Variants in ANKRD55 observed in about 807,000 individuals in gnomAD.
ANKRD55 encodes ankyrin repeat domain-containing protein 55.
A neutral mutation model predicts 60.6 loss-of-function variants in ANKRD55; 41 were observed. That is an observed-to-expected ratio of 0.68 (90% confidence interval 0.53 to 0.88). The LOEUF is 0.88. ANKRD55 is among the 40% of genes least tolerant of loss of function. The pLI is 0.00. For missense variants in ANKRD55, 732 were observed against 767.6 expected, an observed-to-expected ratio of 0.95 and a Z score of 0.55; for synonymous variants, 264 against 290.3, an observed-to-expected ratio of 0.91 and a Z score of 0.92.
At chr5:56,210,718 GT>G (rs1759652157) in intron 2 of ANKRD55, among the ~76,000 whole-genome samples, 1 of 152,024 alleles carries the variant, frequency 6.6e-6, no homozygotes, top group Non-Finnish European at 1.5e-5. Flanking sequence ...CATTTATATA[GT>G]CAAAATCTAT....
At chr5:56,141,130 G>GTTTTTTT (rs33972955) in intron 7 of ANKRD55, among the ~76,000 whole-genome samples, 163 of 111,624 alleles carry the variant, frequency 1.5e-3, no homozygotes, top group Non-Finnish European at 2.1e-3. Flanking sequence ...TGCACACACA[G>GTTTTTTT]TTTTTTTTTT....
intron 7 of ANKRD55, among the ~76,000 whole-genome samples, chr5:56,135,389 T>C (rs1321161767): frequency 6.6e-6 from 1 of 150,456 alleles, no homozygotes; most frequent in African/African-American, 2.5e-5. Flanking sequence ...CTTTCTTTCT[T>C]GACAGGGTCT....
intron 6 of ANKRD55, among the ~76,000 whole-genome samples, chr5:56,147,016 C>A (rs933931836): frequency 6.6e-6 from 1 of 151,862 alleles, no homozygotes; most frequent in African/African-American, 2.4e-5. Context: ...TCTCTTTAAA[C>A]AACCGCAAGA....
At position 56,204,097 on chromosome 5, in the gene ANKRD55, T is replaced by C. The variant is rs1759444863; in HGVS notation, c.59-20463A>G. ...TGATGGCCAGTGATGATGAGCATTT[T>C]TTCATGTTTTTTGACTGCATAAATG... On this transcript the variant is annotated intron_variant, in intron 2 of 11. Transcript: ENST00000341048. Among the ~76,000 whole-genome samples the C allele has an allele frequency of 2.6e-5, 4 of 152,238 alleles. No individual in the cohort carries two copies. In the South Asian group the frequency reaches 8.3e-4, roughly 31 times the overall value.
intron 2 of ANKRD55, among the ~76,000 whole-genome samples, chr5:56,224,688 G>C (rs371072564): frequency 2.6e-5 from 4 of 152,130 alleles, no homozygotes; most frequent in African/African-American, 9.7e-5. Flanking sequence ...ACTACCATCA[G>C]AGAATACAAT....
chr5:56,107,068 C>T (rs1756504420), intron 10 of ANKRD55, among the ~76,000 whole-genome samples: 1 of 146,312 alleles, frequency 6.8e-6, no homozygotes, highest in South Asian at 2.2e-4. Context: ...CTGTGATAAA[C>T]ACTCAGCAAT....
chr5:56,142,101 G>A (rs1304782009), intron 7 of ANKRD55, among the ~76,000 whole-genome samples: 4 of 152,136 alleles, frequency 2.6e-5, no homozygotes, highest in Non-Finnish European at 2.9e-5. Context: ...AGGCCGAGCG[G>A]GGCAGATCAC....
chr5:56,177,016 G>A (rs1033851124), intron 3 of ANKRD55, among the ~76,000 whole-genome samples: 5 of 152,124 alleles, frequency 3.3e-5, no homozygotes, highest in African/African-American at 1.2e-4. Flanking sequence ...TTCTCCAGAT[G>A]AACTGCAAGC....
At position 56,111,611 on chromosome 5, in the gene ANKRD55, A is replaced by G. The variant is rs199676656; in HGVS notation, c.1137T>C (p.Asn379=). The G allele has an allele frequency of 2.5e-5, 39 of 1,589,436 alleles. No homozygotes were observed. In the East Asian group the frequency reaches 8.7e-4, roughly 35 times the overall value. ...TGCTATCAAAGGTGGTGATGATGTC[A>G]TTGACTTCTGAGGTGTCCTCCTCTC... ...RYREEDTSEV[N]DIITTFDSIV... is the part of the protein sequence containing the mutation. Residue 379 remains asparagine, a synonymous_variant, in exon 10 of 12, where the codon AAT becomes AAC. Coordinates refer to ENST00000341048, the MANE Select transcript of ANKRD55 (RefSeq NM_024669.3).
chr5:56,231,235 T>C (rs1760243307), intron 2 of ANKRD55, among the ~76,000 whole-genome samples: 2 of 152,150 alleles, frequency 1.3e-5, no homozygotes, highest in African/African-American at 4.8e-5. Context: ...TTAACTTCCA[T>C]GGGAGAGAAT....
intron 2 of ANKRD55, among the ~76,000 whole-genome samples, chr5:56,185,096 G>A (rs1758939381): frequency 6.6e-6 from 1 of 152,040 alleles, no homozygotes; most frequent in South Asian, 2.1e-4. Flanking sequence ...GGTGGCATGT[G>A]CCTGTAATCC....
intron 6 of ANKRD55, among the ~76,000 whole-genome samples, chr5:56,153,973 A>G (rs369273993): frequency 1.3e-5 from 2 of 151,946 alleles, no homozygotes; most frequent in African/African-American, 4.8e-5. Context: ...GCACTTTGGG[A>G]GGCTGAGGCG....
At chr5:56,112,511 A>AAAAAAAAAAAAC (rs1756759300) in intron 9 of ANKRD55, among the ~76,000 whole-genome samples, 2 of 81,526 alleles carry the variant, frequency 2.5e-5, no homozygotes, top group Admixed American at 2.9e-4. Context: ...TAGCAAAAAA[A>AAAAAAAAAAAAC]AAAAAAAAAA....
chr5:56,120,482 A>C (rs58450791), intron 8 of ANKRD55, among the ~76,000 whole-genome samples: 14,434 of 152,274 alleles, frequency 0.095, 732 homozygotes, highest in Middle Eastern at 0.14. Context: ...AGGGAAAAGT[A>C]TTTTTGCTTT....
In ANKRD55 at chr5:56,111,121, A is replaced by T; in HGVS notation, c.1627T>A (p.Ser543Thr). Residue 543 changes from serine (S) to threonine (T), a missense_variant, in exon 10 of 12, where the codon TCA becomes ACA. Physicochemically the swap from Ser to Thr is moderately conservative, Grantham distance 58. Coordinates refer to ENST00000341048, the MANE Select transcript of ANKRD55 (RefSeq NM_024669.3). ...PHLRHLHNPS[S>T]GQNFQHLSPN... ...AACATGAAATCAAGGACATTACCTG[A>T]TGATGGATTATGTAGATGGCGAAGG... 1 of 1,612,364 alleles carries T rather than the reference A, an allele frequency of 6.2e-7. No individual in the cohort carries two copies. Among genetic ancestry groups the T allele is most frequent in the Non-Finnish European group, 8.5e-7 (1 of 1,178,934 alleles).
chr5:56,172,578 A>ATT lies in ANKRD55; in HGVS notation c.313-1777_313-1776dup, dbSNP rs11404516. Among the ~76,000 whole-genome samples, 6 of 150,540 alleles carry ATT rather than the reference A, an allele frequency of 4.0e-5. No homozygotes were observed. The East Asian group carries it at 7.8e-4, about 20-fold the overall frequency. ...CTCTGTGTGTGTCAATGGTTTTCTGATTTTTTTTTTCCTGAAGATAAAAAG... is the reference window on the plus strand; with the variant it reads ...CTCTGTGTGTGTCAATGGTTTTCTGATTTTTTTTTTTTCCTGAAGATAAAAAG... On this transcript the variant is annotated intron_variant, in intron 4 of 11. Coordinates refer to ENST00000341048, the MANE Select transcript of ANKRD55 (RefSeq NM_024669.3).
chr5:56,173,956 T>C (rs1758681375), intron 4 of ANKRD55, among the ~76,000 whole-genome samples: 1 of 152,156 alleles, frequency 6.6e-6, no homozygotes, highest in Non-Finnish European at 1.5e-5. Context: ...GTTTGCGACA[T>C]TTTTCTTTAA....
rs187916182 is a variant in ANKRD55, at chr5:56,147,283, C to T, written c.484-3354G>A. On this transcript the variant is annotated intron_variant, in intron 6 of 11. Transcript: ENST00000341048. ...TAGGGTTCAATACTTGTTTCTCTGA[C>T]TCTGGAGAAAAAAATGTTCTTTCCA... Among the ~76,000 whole-genome samples, 18 of 152,246 alleles carry T rather than the reference C, an allele frequency of 1.2e-4. No individual in the cohort carries two copies. In the East Asian group the frequency reaches 2.7e-3, roughly 23 times the overall value.
intron 5 of ANKRD55, among the ~76,000 whole-genome samples, chr5:56,161,407 G>T: frequency 6.6e-6 from 1 of 152,222 alleles, no homozygotes; most frequent in East Asian, 1.9e-4. Flanking sequence ...AAATGAAATT[G>T]TTTAGTCTCT....
Sources: allele counts gnomAD v4.1 joint callset (sites outside exome capture counted in the v4.1 genomes callset), GRCh38; gene constraint gnomAD v4.1.1; transcripts MANE v1.5; gene names NCBI Gene and HGNC (gene_info 2026-07-23, HGNC 2026-07-21).